The following NDUFA5 variants were observed in gnomAD, a reference collection of about 807,000 sequenced individuals.
NDUFA5 encodes NADH dehydrogenase [ubiquinone] 1 alpha subcomplex subunit 5.
NDUFA5 carries 11 observed loss-of-function variants against 19.8 expected under a neutral mutation model. The observed-to-expected ratio is 0.56, with a 90% CI of 0.35 to 0.92. The LOEUF (loss-of-function observed/expected upper bound fraction) is 0.92, where lower values mean the gene tolerates loss of function less well. NDUFA5 is among the 40% of genes least tolerant of loss of function. The pLI is 0.01. For synonymous variants in NDUFA5, 47 were observed against 46.8 expected, an observed-to-expected ratio of 1.00 and a Z score of -0.01; for missense variants, 109 against 134.2, an observed-to-expected ratio of 0.81 and a Z score of 0.93.
chr7:123,581,816 T>C, the NDUFA5 span, among the ~76,000 whole-genome samples: 2 of 151,936 alleles, frequency 1.3e-5, no homozygotes, highest in Non-Finnish European at 2.9e-5. Flanking sequence ...TTTTTGTCAC[T>C]CCCAAGACTG....
the NDUFA5 span, among the ~76,000 whole-genome samples, chr7:123,584,406 G>A: frequency 4.0e-5 from 6 of 151,738 alleles, no homozygotes; most frequent in African/African-American, 1.5e-4. Context: ...CTAGGCATCA[G>A]TGTTTTCTAA....
Position 123,540,263 on chromosome 7 carries a change from TATA to T in NDUFA5, c.*1853_*1855del, listed in dbSNP as rs1322910018. 2.6e-5 allele frequency: 4 copies of T among 152,220 alleles called. No homozygotes were observed. The highest frequency in any genetic ancestry group is 1.9e-4 in the East Asian group (1 of 5,202). 9.4% of individuals were successfully genotyped at this position (152,220 alleles called of 1,614,324 possible). ...CTCAACAAACATTAGCTATTATTGT[TATA>T]ATATTATTTTTACAATGACTATTAT... On this transcript the variant is annotated 3_prime_UTR_variant, in exon 5 of 5. Coordinates refer to ENST00000355749, the MANE Select transcript of NDUFA5 (RefSeq NM_005000.5).
In NDUFA5 at chr7:123,550,565, T is replaced by C. The variant is rs1423234776; in HGVS notation, c.88A>G (p.Lys30Glu). The C allele has an allele frequency of 6.2e-7, 1 of 1,605,320 alleles. No individual in the cohort carries two copies. The highest frequency in any genetic ancestry group is 1.7e-5 in the Admixed American group (1 of 59,794). ...ATTTCCTCAAGAACATCAAGAATCT[T>C]TGTGTACAATATTCTTAGCCTCTGA... ...PHERLRILYT[K>E]ILDVLEEIPK... The change falls in exon 3 of 5, where the codon AAG becomes GAG. Residue 30 changes from lysine to glutamate, a missense_variant. Physicochemically the swap from Lys to Glu is moderately conservative, Grantham distance 56 (BLOSUM62 1). Coordinates refer to ENST00000355749, the MANE Select transcript of NDUFA5 (RefSeq NM_005000.5).
intron 3 of NDUFA5, among the ~76,000 whole-genome samples, chr7:123,548,276 C>T (rs1348208842): frequency 6.6e-6 from 1 of 152,046 alleles, no homozygotes; most frequent in Non-Finnish European, 1.5e-5. Context: ...TTATATCTAG[C>T]CTTTGGGATA....
Position 123,545,741 on chromosome 7 carries a change from A to G in NDUFA5, c.184-65T>C, listed in dbSNP as rs796398630. The G allele has an allele frequency of 1.8e-5, 18 of 1,010,458 alleles. No homozygotes were observed. The African/African-American group carries it at 2.4e-4, about 13-fold the overall frequency. 62.6% of individuals were successfully genotyped at this position (1,010,458 alleles called of 1,614,324 possible). A position where few individuals can be genotyped will look rare whatever the true frequency, so the allele number is the denominator to read the frequency against. On this transcript the variant is annotated intron_variant, in intron 3 of 4. Coordinates refer to ENST00000355749, the MANE Select transcript of NDUFA5 (RefSeq NM_005000.5). ...AACTGAATGTTTCAATATCCTATAT[A>G]TTTTAAAATTCCTATATAAAAACAC...
the NDUFA5 span, among the ~76,000 whole-genome samples, chr7:123,563,049 C>T: frequency 6.6e-6 from 1 of 152,118 alleles, no homozygotes; most frequent in Non-Finnish European, 1.5e-5. Context: ...GATCCGCCCA[C>T]CTCGGTCTCT....
the NDUFA5 span, among the ~76,000 whole-genome samples, chr7:123,593,691 C>T: frequency 2.0e-5 from 3 of 152,278 alleles, no homozygotes; most frequent in South Asian, 6.2e-4. Flanking sequence ...CCTGACCTTT[C>T]TCTCTGGCTG....
At chr7:123,593,620 C>T in the NDUFA5 span, among the ~76,000 whole-genome samples, 1 of 152,128 alleles carries the variant, frequency 6.6e-6, no homozygotes, top group African/African-American at 2.4e-5. Context: ...TCTCTTCTGG[C>T]TTGTAGGGTT....
the NDUFA5 span, among the ~76,000 whole-genome samples, chr7:123,575,548 A>G: frequency 6.6e-6 from 1 of 151,710 alleles, no homozygotes; most frequent in African/African-American, 2.4e-5. Flanking sequence ...AATTCCCTAC[A>G]TTTCTTTTAT....
chr7:123,582,451 C>A, the NDUFA5 span, among the ~76,000 whole-genome samples: 1 of 151,962 alleles, frequency 6.6e-6, no homozygotes, highest in African/African-American at 2.4e-5. Flanking sequence ...GCCCCAAATT[C>A]TTTACTCCAG....
chr7:123,561,399 C>G (rs554523088), upstream of NDUFA5, among the ~76,000 whole-genome samples: 2 of 152,348 alleles, frequency 1.3e-5, no homozygotes, highest in Non-Finnish European at 2.9e-5. Flanking sequence ...AGCAACTCAT[C>G]ATCTGATCAA....
the NDUFA5 span, among the ~76,000 whole-genome samples, chr7:123,581,175 G>A: frequency 6.6e-6 from 1 of 151,846 alleles, no homozygotes; most frequent in Non-Finnish European, 1.5e-5. Flanking sequence ...GAGCATGAAT[G>A]TTGCTCAGGG....
chr7:123,598,134 A>G, the NDUFA5 span, among the ~76,000 whole-genome samples: 1 of 152,254 alleles, frequency 6.6e-6, no homozygotes, highest in East Asian at 1.9e-4. Flanking sequence ...GTCTGTATAT[A>G]TAGAATAGAA....
the NDUFA5 span, among the ~76,000 whole-genome samples, chr7:123,600,664 G>A: frequency 2.0e-5 from 3 of 152,158 alleles, no homozygotes; most frequent in African/African-American, 7.2e-5. Context: ...ACAGTTAATA[G>A]TGGTTTAAAC....
chr7:123,586,399 T>C, the NDUFA5 span, among the ~76,000 whole-genome samples: 1 of 151,888 alleles, frequency 6.6e-6, no homozygotes, highest in African/African-American at 2.4e-5. Context: ...TCTATTCAGA[T>C]CCTTTGCCTG....
chr7:123,581,669 C>A, the NDUFA5 span, among the ~76,000 whole-genome samples: 1 of 151,826 alleles, frequency 6.6e-6, no homozygotes, highest in Non-Finnish European at 1.5e-5. Context: ...GTGAGAACAC[C>A]ACTCAGAGGA....
At chr7:123,575,412 A>G in the NDUFA5 span, among the ~76,000 whole-genome samples, 1 of 152,152 alleles carries the variant, frequency 6.6e-6, no homozygotes, top group East Asian at 1.9e-4. Context: ...TCTCCTTTCA[A>G]TCTCAGATAT....
At chr7:123,557,112 A>G in intron 2 of NDUFA5, 2 of 624,564 alleles carry the variant, frequency 3.2e-6, no homozygotes, top group Non-Finnish European at 6.0e-6. Context: ...TGGAAAACGG[A>G]GATATAAATT....
chr7:123,576,020 A>T, the NDUFA5 span, among the ~76,000 whole-genome samples: 3 of 151,284 alleles, frequency 2.0e-5, no homozygotes, highest in Non-Finnish European at 4.4e-5. Context: ...AGGGTCTCCA[A>T]CTATAAATTT....
Sources: allele counts gnomAD v4.1 joint callset (sites outside exome capture counted in the v4.1 genomes callset), GRCh38; gene constraint gnomAD v4.1.1; transcripts MANE v1.5; gene names NCBI Gene and HGNC (gene_info 2026-07-23, HGNC 2026-07-21).